PAX5: variants seen among roughly 807,000 people sequenced by gnomAD.
The protein encoded by PAX5 is paired box 5.
In PAX5, 9 loss-of-function variants were observed where a neutral mutation model predicts 43.7. The observed-to-expected ratio is 0.21, with a 90% CI of 0.12 to 0.36. The LOEUF (loss-of-function observed/expected upper bound fraction) is 0.36, where lower values mean the gene tolerates loss of function less well. Ranked by LOEUF, PAX5 falls within the 10% of genes least tolerant of loss-of-function variation. The pLI is 1.00. For synonymous variants in PAX5, 228 were observed against 214.3 expected, an observed-to-expected ratio of 1.06 and a Z score of -0.56; for missense variants, 383 against 532.7, an observed-to-expected ratio of 0.72 and a Z score of 2.77.
chr9:36,977,990 C>G (rs1252212839), intron 5 of PAX5, among the ~76,000 whole-genome samples: 2 of 152,208 alleles, frequency 1.3e-5, no homozygotes, highest in African/African-American at 4.8e-5. Context: ...AGGCTCTTCC[C>G]TCTCTGTCGA....
chr9:36,981,157 A>G (rs1835880817), intron 5 of PAX5, among the ~76,000 whole-genome samples: 1 of 145,002 alleles, frequency 6.9e-6, no homozygotes, highest in Non-Finnish European at 1.5e-5. Flanking sequence ...TCAGCTCATC[A>G]GTAGGACCAC....
chr9:36,959,331 G>A (rs1833761598), intron 6 of PAX5, among the ~76,000 whole-genome samples: 1 of 152,218 alleles, frequency 6.6e-6, no homozygotes, highest in South Asian at 2.1e-4. Context: ...CCAGCAATGG[G>A]AAGCTCACTA....
At chr9:36,900,584 C>T (rs368633927) in intron 7 of PAX5, among the ~76,000 whole-genome samples, 14 of 152,164 alleles carry the variant, frequency 9.2e-5, no homozygotes, top group African/African-American at 2.2e-4. Context: ...CAAGATGGAG[C>T]GCATCTGTGG....
rs1037732650 is a variant in PAX5, at chr9:37,011,166, A to T, written c.410+3831T>A. ...AAAAAAAGAAAGAGGAAATGGATAA[A>T]CAATCTCAGAAGGCCTGCTACCAAA... On this transcript the variant is annotated intron_variant, in intron 3 of 9. Transcript: ENST00000358127. 2.6e-5 allele frequency among the ~76,000 whole-genome samples: 4 copies of T among 152,066 alleles called. No individual in the cohort carries two copies. In the East Asian group the frequency reaches 7.7e-4, roughly 29 times the overall value.
At chr9:36,984,231 C>T (rs1333269248) in intron 5 of PAX5, among the ~76,000 whole-genome samples, 1 of 152,026 alleles carries the variant, frequency 6.6e-6, no homozygotes, top group East Asian at 1.9e-4. Context: ...GCAGAATGCA[C>T]GTTGGAGCTC....
Position 37,013,089 on chromosome 9 carries a change from TA to T in PAX5, c.410+1907del, listed in dbSNP as rs140462852. On this transcript the variant is annotated intron_variant, in intron 3 of 9. Coordinates refer to ENST00000358127, the MANE Select transcript of PAX5 (RefSeq NM_016734.3). ...ACATAGGGAGACCCCCATCTCTACATAAAAAAAAAATTAATTTAAATATAGA... is the reference window on the plus strand; with the variant it reads ...ACATAGGGAGACCCCCATCTCTACATAAAAAAAAATTAATTTAAATATAGA... Among the ~76,000 whole-genome samples the T allele has an allele frequency of 3.1e-3, 468 of 150,278 alleles. 2 individuals carry two copies. Among genetic ancestry groups the T allele is most frequent in the African/African-American group, 0.011 (434 of 40,854 alleles).
rs1487084685 is a variant in PAX5 at position 37,034,071 on chromosome 9, T to G, written c.-40A>C. On this transcript the variant is annotated 5_prime_UTR_variant, in exon 1 of 10. Coordinates refer to ENST00000358127, the MANE Select transcript of PAX5 (RefSeq NM_016734.3). ...ACTTGATGGAATGGACAGGGAAAAG[T>G]TTCCACTTTTTTGTGCCTTTTTTTT... The G allele has an allele frequency of 1.6e-6, 2 of 1,230,154 alleles. No homozygotes were observed. Among genetic ancestry groups the G allele is most frequent in the Non-Finnish European group, 2.3e-6 (2 of 855,596 alleles). 76.2% of individuals were successfully genotyped at this position (1,230,154 alleles called of 1,614,324 possible).
At chr9:37,023,431 G>T (rs1199547360) in intron 1 of PAX5, among the ~76,000 whole-genome samples, 1 of 152,162 alleles carries the variant, frequency 6.6e-6, no homozygotes, top group Non-Finnish European at 1.5e-5. Flanking sequence ...TCCCGTGAAA[G>T]GGGGACTGAC....
rs534414322 is a variant in PAX5, at chr9:36,870,402, G to A, written c.1012+11602C>T. ...TACTTTTGAAATTATTTGGCCACAA[G>A]TAATCTAATTGATGATTAGCTATGA... On this transcript the variant is annotated intron_variant, in intron 8 of 9. Transcript: ENST00000358127. Among the ~76,000 whole-genome samples the A allele has an allele frequency of 7.9e-5, 12 of 152,304 alleles. No individual in the cohort carries two copies. In the South Asian group the frequency reaches 2.5e-3, roughly 32 times the overall value.
At chr9:36,957,013 C>T (rs1167204888) in intron 6 of PAX5, among the ~76,000 whole-genome samples, 1 of 71,216 alleles carries the variant, frequency 1.4e-5, no homozygotes, top group Non-Finnish European at 3.6e-5. Context: ...GGATGAGAAG[C>T]CTTGTCCCCC....
At position 37,030,991 on chromosome 9, in the gene PAX5, TA is replaced by T. The variant is rs568576514; in HGVS notation, c.46+2994del. Among the ~76,000 whole-genome samples, 20 of 152,176 alleles carry T rather than the reference TA, an allele frequency of 1.3e-4. No individual in the cohort carries two copies. The South Asian group carries it at 3.3e-3, about 25-fold the overall frequency. Reference sequence around the variant, plus strand: ...CTGTCTAAACTTCATTTTTAAAAAATAAAAAAAATTAAGTATCAGAGGGAAA... The same window carrying T: ...CTGTCTAAACTTCATTTTTAAAAAATAAAAAAATTAAGTATCAGAGGGAAA... On this transcript the variant is annotated intron_variant, in intron 1 of 9. Coordinates refer to ENST00000358127, the MANE Select transcript of PAX5 (RefSeq NM_016734.3).
chr9:36,984,015 C>A (rs1387536049), intron 5 of PAX5, among the ~76,000 whole-genome samples: 2 of 152,188 alleles, frequency 1.3e-5, no homozygotes, highest in Non-Finnish European at 2.9e-5. Context: ...ACAGACAAGA[C>A]CTGGATTCCC....
chr9:37,002,684 G>T lies in PAX5; in HGVS notation c.568C>A (p.Pro190Thr). 6.2e-7 allele frequency: 1 copy of T among 1,611,636 alleles called. No homozygotes were observed. The highest frequency in any genetic ancestry group is 8.5e-7 in the Non-Finnish European group (1 of 1,179,210). The change falls in exon 5 of 10, where the codon CCC becomes ACC. Residue 190 changes from proline to threonine, a missense_variant. Around this residue, in one of 5 missense-constraint regions of PAX5, gnomAD observed 291 missense variants for 342.5 expected, o/e 0.85. Coordinates refer to ENST00000358127, the MANE Select transcript of PAX5 (RefSeq NM_016734.3). ...SISGILGITS[P>T]SADTNKRKRD... Reference sequence around the variant, plus strand: ...TTGCGCTTGTTGGTGTCGGCGCTGGGGGACGTGATGCCCAGGATGCCGCTG... The same window carrying T: ...TTGCGCTTGTTGGTGTCGGCGCTGGTGGACGTGATGCCCAGGATGCCGCTG...
chr9:37,023,739 C>T (rs1840050357), intron 1 of PAX5, among the ~76,000 whole-genome samples: 1 of 152,076 alleles, frequency 6.6e-6, no homozygotes, highest in South Asian at 2.1e-4. Context: ...GACTCAGCCA[C>T]AGATTGAGCT....
chr9:36,931,430 A>T (rs1230525623), intron 6 of PAX5, among the ~76,000 whole-genome samples: 1 of 152,232 alleles, frequency 6.6e-6, no homozygotes, highest in African/African-American at 2.4e-5. Flanking sequence ...CAACAAATGA[A>T]TGGCAAGTCA....
At chr9:36,940,755 T>C (rs905902982) in intron 6 of PAX5, among the ~76,000 whole-genome samples, 1 of 152,020 alleles carries the variant, frequency 6.6e-6, no homozygotes, top group Non-Finnish European at 1.5e-5. Flanking sequence ...TCAGAAATCA[T>C]CTCCGTCCAG....
At chr9:36,886,370 C>T (rs545933204) in intron 7 of PAX5, among the ~76,000 whole-genome samples, 52 of 152,302 alleles carry the variant, frequency 3.4e-4, no homozygotes, top group African/African-American at 1.1e-3. Context: ...CTGATCCCCA[C>T]GCCTGGTTGG....
chr9:36,841,237 T>C (rs754841986), intron 9 of PAX5, among the ~76,000 whole-genome samples: 7 of 152,242 alleles, frequency 4.6e-5, no homozygotes, highest in Admixed American at 3.9e-4. Flanking sequence ...GTCTCATACA[T>C]ACACAATGCG....
At chr9:36,859,215 C>A (rs957616706) in intron 8 of PAX5, among the ~76,000 whole-genome samples, 2 of 152,160 alleles carry the variant, frequency 1.3e-5, no homozygotes, top group Non-Finnish European at 2.9e-5. Flanking sequence ...CAGACACGGT[C>A]CCTGCCCACG....
Sources: allele counts gnomAD v4.1 joint callset (sites outside exome capture counted in the v4.1 genomes callset), GRCh38; gene constraint gnomAD v4.1.1; regional missense constraint gnomAD v4.1.1; transcripts MANE v1.5; gene names NCBI Gene and HGNC (gene_info 2026-07-23, HGNC 2026-07-21).